The following KIAA1549L variants were observed in gnomAD, a reference collection of about 807,000 sequenced individuals.
KIAA1549L encodes KIAA1549 like.
A neutral mutation model predicts 160.7 loss-of-function variants in KIAA1549L; 88 were observed. The ratio of observed to expected loss-of-function variants is 0.55; its 90% CI spans 0.46 to 0.65. The LOEUF is 0.65. KIAA1549L is among the 30% of genes least tolerant of loss of function. The probability of loss-of-function intolerance (pLI) is 0.00; values close to 1 mark genes in which losing one functional copy is unlikely to be tolerated. For missense variants in KIAA1549L, 2,258 were observed against 2,437.5 expected (o/e 0.93, Z 1.55); for synonymous variants, 950 against 976.7 (o/e 0.97, Z 0.51).
In KIAA1549L at chr11:33,506,795, A is replaced by G. The variant is rs140607344; in HGVS notation, c.239-35007A>G. Among the ~76,000 whole-genome samples, 495 of 152,266 alleles carry G rather than the reference A, an allele frequency of 3.3e-3. 1 individual carries two copies. The highest frequency in any genetic ancestry group is 0.011 in the African/African-American group (464 of 41,556). Reference sequence around the variant, plus strand: ...TGGAAGAACATAAAAATATTTGAAAAATTCCAAAATCAGGCTTTACTTGAT... The same window carrying G: ...TGGAAGAACATAAAAATATTTGAAAGATTCCAAAATCAGGCTTTACTTGAT... On this transcript the variant is annotated intron_variant, in intron 1 of 20. Transcript: ENST00000658780.
intron 1 of KIAA1549L, among the ~76,000 whole-genome samples, chr11:33,528,265 A>G (rs968603213): frequency 1.3e-5 from 2 of 152,240 alleles, no homozygotes; most frequent in Non-Finnish European, 2.9e-5. Context: ...GCACATCAAA[A>G]CCACAATGCA....
intron 13 of KIAA1549L, among the ~76,000 whole-genome samples, chr11:33,602,356 AT>A (rs1173723083): frequency 2.2e-4 from 34 of 152,250 alleles, no homozygotes; most frequent in Admixed American, 8.5e-4. Context: ...AGTTTCAGTT[AT>A]TCTTTCTTTG....
intron 16 of KIAA1549L, among the ~76,000 whole-genome samples, chr11:33,642,459 A>G (rs906240916): frequency 6.6e-6 from 1 of 152,160 alleles, no homozygotes; most frequent in African/African-American, 2.4e-5. Flanking sequence ...CACTTGGATA[A>G]GGGAGGGGAA....
rs1438222030 is a variant in KIAA1549L at position 33,433,912 on chromosome 11, G to A, written c.238+57023G>A. On this transcript the variant is annotated intron_variant, in intron 1 of 20. Transcript: ENST00000658780. ...TTGAGAACACATGGACATAGAGAGGGGAACAACACATACCATGGCCTGTTA... is the reference window on the plus strand; with the variant it reads ...TTGAGAACACATGGACATAGAGAGGAGAACAACACATACCATGGCCTGTTA... 2.6e-5 allele frequency among the ~76,000 whole-genome samples: 4 copies of A among 152,084 alleles called. No individual in the cohort carries two copies. In the East Asian group the frequency reaches 7.7e-4, roughly 29 times the overall value.
intron 9 of KIAA1549L, among the ~76,000 whole-genome samples, chr11:33,570,734 A>G (rs1031389097): frequency 1.3e-5 from 2 of 152,250 alleles, no homozygotes; most frequent in African/African-American, 4.8e-5. Context: ...AAGTTGACAT[A>G]TTTGAAAAAT....
chr11:33,488,378 TA>T (rs1852578422), intron 1 of KIAA1549L, among the ~76,000 whole-genome samples: 1 of 152,232 alleles, frequency 6.6e-6, no homozygotes, highest in South Asian at 2.1e-4. Flanking sequence ...TCTAATATTT[TA>T]GTTGTCAAAG....
chr11:33,477,231 G>A (rs967960656), intron 1 of KIAA1549L, among the ~76,000 whole-genome samples: 2 of 152,288 alleles, frequency 1.3e-5, no homozygotes, highest in South Asian at 2.1e-4. Flanking sequence ...GCCTGAGCCC[G>A]AGGAGGAGGA....
chr11:33,425,424 T>C (rs1015364426), intron 1 of KIAA1549L, among the ~76,000 whole-genome samples: 1 of 152,254 alleles, frequency 6.6e-6, no homozygotes, highest in Non-Finnish European at 1.5e-5. Flanking sequence ...CATGTTAATA[T>C]CTGTTTCTCT....
intron 1 of KIAA1549L, among the ~76,000 whole-genome samples, chr11:33,496,001 C>T (rs932587135): frequency 3.3e-5 from 5 of 152,156 alleles, no homozygotes; most frequent in African/African-American, 4.8e-5. Flanking sequence ...CTTGCTCTGT[C>T]GCCCAGGCTG....
At chr11:33,587,503 T>G (rs1849917635) in intron 11 of KIAA1549L, among the ~76,000 whole-genome samples, 1 of 152,250 alleles carries the variant, frequency 6.6e-6, no homozygotes. Context: ...AAATGAAGGC[T>G]GTAATGTTTG....
intron 1 of KIAA1549L, among the ~76,000 whole-genome samples, chr11:33,418,309 T>G (rs952760175): frequency 2.0e-5 from 3 of 152,194 alleles, no homozygotes; most frequent in African/African-American, 7.2e-5. Flanking sequence ...CTCACTGTGG[T>G]TCATATGCTG....
intron 15 of KIAA1549L, among the ~76,000 whole-genome samples, chr11:33,612,564 C>T (rs1311529377): frequency 6.6e-6 from 1 of 151,722 alleles, no homozygotes; most frequent in East Asian, 1.9e-4. Context: ...GCCAACCATT[C>T]TTGCATTGCT....
intron 8 of KIAA1549L, 76 bp from the exon 9 acceptor site, chr11:33,568,000 G>A: frequency 6.9e-7 from 1 of 1,442,650 alleles, no homozygotes; most frequent in East Asian, 2.5e-5. Context: ...CCTGTGCAGG[G>A]TCAGTGGTGC....
intron 1 of KIAA1549L, among the ~76,000 whole-genome samples, chr11:33,530,758 T>G (rs1168426957): frequency 6.6e-6 from 1 of 152,028 alleles, no homozygotes; most frequent in Non-Finnish European, 1.5e-5. Flanking sequence ...ATGACAAAAT[T>G]AGGAGACACT....
intron 20 of KIAA1549L, chr11:33,665,713 G>C (rs559972731): frequency 6.6e-6 from 1 of 152,186 alleles, no homozygotes; most frequent in Non-Finnish European, 1.5e-5. Flanking sequence ...TGGGAGACCC[G>C]CCCTCTTCCA....
chr11:33,385,851 A>C (rs1485154611), intron 1 of KIAA1549L, among the ~76,000 whole-genome samples: 4 of 150,866 alleles, frequency 2.7e-5, no homozygotes, highest in African/African-American at 9.8e-5. Flanking sequence ...TTGTACATAC[A>C]TTTTTCATGT....
At chr11:33,549,053 T>G (rs958361543) in intron 4 of KIAA1549L, among the ~76,000 whole-genome samples, 3 of 152,274 alleles carry the variant, frequency 2.0e-5, no homozygotes, top group African/African-American at 7.2e-5. Context: ...TTTAATTGCC[T>G]GATACAATTT....
At chr11:33,661,837 G>A (rs1221916963) in intron 20 of KIAA1549L, among the ~76,000 whole-genome samples, 2 of 126,690 alleles carry the variant, frequency 1.6e-5, no homozygotes, top group East Asian at 2.4e-4. Context: ...CCAAGATCGC[G>A]CCACTCCACT....
Position 33,543,955 on chromosome 11 carries a change from C to A in KIAA1549L, c.2392C>A (p.His798Asn). 1 of 1,613,996 alleles carries A rather than the reference C, an allele frequency of 6.2e-7. No individual in the cohort carries two copies. The change falls in exon 2 of 21, where the codon CAT becomes AAT. Residue 798 changes from histidine to asparagine, a missense_variant. Physicochemically the swap from His to Asn is moderately conservative, Grantham distance 68 (BLOSUM62 1). Transcript: ENST00000658780. ...QQSDMTMVGS[H>N]IDLWPTSNNN... ...GTCAGACATGACCATGGTTGGAAGC[C>A]ATATAGACCTCTGGCCCACAAGCAA... is the stretch of plus-strand genomic sequence containing the variant.
Sources: allele counts gnomAD v4.1 joint callset (sites outside exome capture counted in the v4.1 genomes callset), GRCh38; gene constraint gnomAD v4.1.1; transcripts MANE v1.5; gene names NCBI Gene and HGNC (gene_info 2026-07-23, HGNC 2026-07-21).